The following WASHC2A variants were observed in gnomAD, a reference collection of about 807,000 sequenced individuals.
WASHC2A encodes WASH complex subunit FAM21A.
Under a neutral mutation model 140.3 loss-of-function variants are expected in WASHC2A, and 82 were observed. The ratio of observed to expected loss-of-function variants is 0.58; its 90% confidence interval spans 0.49 to 0.70. The LOEUF is 0.70. WASHC2A is among the 30% of genes least tolerant of loss of function. The pLI is 0.00. For synonymous variants in WASHC2A, 340 were observed against 560.8 expected, an observed-to-expected ratio of 0.61 and a Z score of 5.56; for missense variants, 985 against 1,521.8, an observed-to-expected ratio of 0.65 and a Z score of 5.87.
At chr10:50,068,078 C>A (rs781928941) in intron 1 of WASHC2A, 27 bp from the exon 2 acceptor site, 4 of 1,609,294 alleles carry the variant, frequency 2.5e-6, no homozygotes, top group Non-Finnish European at 2.5e-6. Flanking sequence ...TCAGGCTCAG[C>A]TTCTCTTCTC....
intron 19 of WASHC2A, among the ~76,000 whole-genome samples, chr10:50,109,086 A>G (rs1294521403): frequency 2.0e-5 from 3 of 151,934 alleles, no homozygotes; most frequent in South Asian, 2.1e-4. Context: ...GAAATCACCC[A>G]GGCACCCTGT....
Position 50,129,862 on chromosome 10 carries a change from G to A in WASHC2A, c.3531G>A (p.Glu1177=). The change falls in exon 29 of 31, where the codon GAG becomes GAA. Residue 1177 remains glutamate, a synonymous_variant. Transcript: ENST00000282633. The part of the protein sequence containing the change: ...AKSPMFPALG[E]ASSDDDLFQS... ...GCCCCATGTTTCCTGCTCTAGGTGA[G>A]GCCAGCAGTGATGATGATCTCTTTC... The A allele has an allele frequency of 6.2e-7, 1 of 1,612,014 alleles. No individual in the cohort carries two copies. Among genetic ancestry groups the A allele is most frequent in the Non-Finnish European group, 8.5e-7 (1 of 1,179,864 alleles).
rs577899274 is a variant in WASHC2A at position 50,129,854 on chromosome 10, C to G, written c.3523C>G (p.Leu1175Val). The part of the protein sequence containing the change: ...GKAKSPMFPA[L>V]GEASSDDDLF... Reference sequence around the variant, plus strand: ...AGCAAAGAGCCCCATGTTTCCTGCTCTAGGTGAGGCCAGCAGTGATGATGA... The same window carrying G: ...AGCAAAGAGCCCCATGTTTCCTGCTGTAGGTGAGGCCAGCAGTGATGATGA... Residue 1175 changes from leucine to valine, a missense_variant, in exon 29 of 31, where the codon CTA (leucine) becomes GTA (valine). Leu to Val is a conservative substitution (Grantham distance 32). Transcript: ENST00000282633. 3.1e-4 allele frequency: 496 copies of G among 1,612,040 alleles called. No individual in the cohort carries two copies. Among genetic ancestry groups the G allele is most frequent in the Admixed American group, 1.5e-3 (92 of 60,010 alleles).
At chr10:50,127,455 A>G in intron 27 of WASHC2A, 128 bp from the exon 28 acceptor site, 1 of 1,606,798 alleles carries the variant, frequency 6.2e-7, no homozygotes, top group South Asian at 1.1e-5. Context: ...AGATCGGGCG[A>G]TTTTCCTACG....
intron 3 of WASHC2A, among the ~76,000 whole-genome samples, chr10:50,075,613 T>C (rs1435671601): frequency 2.0e-5 from 3 of 149,236 alleles, no homozygotes; most frequent in Non-Finnish European, 4.5e-5. Flanking sequence ...GATTTCATTT[T>C]TATCCCTTAT....
At chr10:50,130,508 C>T (rs1843857481) in intron 29 of WASHC2A, among the ~76,000 whole-genome samples, 1 of 152,128 alleles carries the variant, frequency 6.6e-6, no homozygotes, top group Non-Finnish European at 1.5e-5. Context: ...ACTGCAGGCA[C>T]GAGGTGAACT....
intron 8 of WASHC2A, among the ~76,000 whole-genome samples, chr10:50,087,576 C>T (rs1358962945): frequency 3.9e-5 from 6 of 151,976 alleles, no homozygotes; most frequent in Non-Finnish European, 7.4e-5. Context: ...AAAACAGAGC[C>T]TCTAAAAGAA....
chr10:50,098,248 C>T (rs1840689927), intron 16 of WASHC2A, among the ~76,000 whole-genome samples: 1 of 151,878 alleles, frequency 6.6e-6, no homozygotes, highest in African/African-American at 2.4e-5. Flanking sequence ...CTCCAGTTGC[C>T]CCAGAATGTC....
chr10:50,092,666 C>A (rs1840048954), intron 11 of WASHC2A, among the ~76,000 whole-genome samples: 2 of 151,506 alleles, frequency 1.3e-5, no homozygotes, highest in Admixed American at 6.6e-5. Context: ...CAAAAACAAA[C>A]AGAAGCCTTG....
rs537674621 is a variant in WASHC2A at position 50,069,748 on chromosome 10, G to T, written c.291+37G>T. On this transcript the variant is annotated intron_variant, in intron 3 of 30. Coordinates refer to ENST00000282633, the MANE Select transcript of WASHC2A (RefSeq NM_001005751.3). The stretch of plus-strand genomic sequence containing the variant: ...AGTTATATTATCATTCCTTTTTTGG[G>T]AGTAGGAGATATTGTAATTTTAAAT... 5 of 1,581,826 alleles carry T rather than the reference G, an allele frequency of 3.2e-6. No individual in the cohort carries two copies. The African/African-American group carries it at 4.1e-5, about 13-fold the overall frequency.
At chr10:50,107,479 T>G (rs1362591752) in intron 19 of WASHC2A, among the ~76,000 whole-genome samples, 1 of 151,922 alleles carries the variant, frequency 6.6e-6, no homozygotes, top group Non-Finnish European at 1.5e-5. Context: ...GTAGTAAACA[T>G]CTTCCTGTGT....
chr10:50,132,238 A>C (rs1485336254), intron 30 of WASHC2A, among the ~76,000 whole-genome samples: 2 of 152,240 alleles, frequency 1.3e-5, no homozygotes, highest in Non-Finnish European at 2.9e-5. Context: ...TTATGTATAC[A>C]TGTTAAATCA....
chr10:50,106,470 G>A lies in WASHC2A; in HGVS notation c.1869+5G>A, dbSNP rs1484634812. ...TTGTTCAGCAGTGATGAGGAGGTGA[G>A]CTGAGGTTTCTGCTAAAGAAGAGGG... On this transcript the variant is annotated splice_donor_5th_base_variant and intron_variant, in intron 19 of 30. Coordinates refer to ENST00000282633, the MANE Select transcript of WASHC2A (RefSeq NM_001005751.3). The A allele has an allele frequency of 2.5e-6, 4 of 1,597,616 alleles. No homozygotes were observed. The Admixed American group carries it at 5.2e-5, about 21-fold the overall frequency.
chr10:50,082,416 C>T (rs113854781), intron 5 of WASHC2A, among the ~76,000 whole-genome samples: 2 of 150,610 alleles, frequency 1.3e-5, no homozygotes, highest in Admixed American at 1.3e-4. Context: ...TCACAGGGGA[C>T]AGGGCAGCAT....
chr10:50,131,270 A>T (rs2133129355), intron 30 of WASHC2A, 192 bp downstream of exon 30: 1 of 734,600 alleles, frequency 1.4e-6, no homozygotes, highest in East Asian at 2.7e-5. Flanking sequence ...CTTTCCTATG[A>T]TAGTCATCAA....
chr10:50,085,058 A>G (rs1422686024), intron 6 of WASHC2A, among the ~76,000 whole-genome samples: 1 of 101,312 alleles, frequency 9.9e-6, no homozygotes, highest in Admixed American at 9.9e-5. Context: ...TTTCCTGGAC[A>G]TAAGGGTATT....
In WASHC2A at chr10:50,132,985, G is replaced by A; in HGVS notation, c.*40G>A. ...CCACATGTTACCCTGCAGCTACATT[G>A]TTGAGTTAGTGATGATGTTGTATAT... On this transcript the variant is annotated 3_prime_UTR_variant, in exon 31 of 31. Coordinates refer to ENST00000282633, the MANE Select transcript of WASHC2A (RefSeq NM_001005751.3). 4 of 1,611,816 alleles carry A rather than the reference G, an allele frequency of 2.5e-6. No homozygotes were observed. The highest frequency in any genetic ancestry group is 1.1e-5 in the South Asian group (1 of 90,950).
At chr10:50,116,627 A>G (rs1842706470) in intron 21 of WASHC2A, among the ~76,000 whole-genome samples, 1 of 150,656 alleles carries the variant, frequency 6.6e-6, no homozygotes, top group African/African-American at 2.5e-5. Flanking sequence ...CTGAATTTTT[A>G]TGTAGTTTTC....
intron 28 of WASHC2A, 103 bp downstream of exon 28, chr10:50,127,898 C>T (rs1314520368): frequency 9.8e-5 from 144 of 1,467,778 alleles, no homozygotes; most frequent in Non-Finnish European, 1.3e-4. Context: ...TTTGACTCTC[C>T]TTTTGAAGGA....
Sources: allele counts gnomAD v4.1 joint callset (sites outside exome capture counted in the v4.1 genomes callset), GRCh38; gene constraint gnomAD v4.1.1; transcripts MANE v1.5; gene names NCBI Gene and HGNC (gene_info 2026-07-23, HGNC 2026-07-21).